Variants in SAMD4A observed in about 807,000 individuals in gnomAD.
SAMD4A encodes sterile alpha motif domain containing 4A, also known as protein Smaug homolog 1.
Under a neutral mutation model 81.3 loss-of-function variants are expected in SAMD4A, and 33 were observed. That is an observed-to-expected ratio of 0.41 (90% CI 0.31 to 0.54). The LOEUF (loss-of-function observed/expected upper bound fraction) is 0.54, where lower values mean the gene tolerates loss of function less well. SAMD4A is among the 20% of genes least tolerant of loss of function. SAMD4A has a pLI of 0.37. For synonymous variants in SAMD4A, 389 were observed against 382.1 expected (o/e 1.02, Z -0.21); for missense variants, 854 against 951.1 (o/e 0.90, Z 1.34).
In SAMD4A at chr14:54,624,315, T is replaced by C. The variant is rs142621769; in HGVS notation, c.196+56203T>C. Among the ~76,000 whole-genome samples the C allele has an allele frequency of 4.5e-3, 690 of 152,332 alleles. 9 individuals carry two copies. Among genetic ancestry groups the C allele is most frequent in the African/African-American group, 0.016 (656 of 41,574 alleles). On this transcript the variant is annotated intron_variant, in intron 2 of 12. Coordinates refer to ENST00000554335, the MANE Select transcript of SAMD4A (RefSeq NM_015589.6). ...TATTATGCCCTCTCCGGTCACGTGA[T>C]AACTTACATGCCAGTGTGCGATGTG... is the stretch of plus-strand genomic sequence containing the variant.
Position 54,658,266 on chromosome 14 carries a change from G to A in SAMD4A, c.197-43796G>A, listed in dbSNP as rs144002373. On this transcript the variant is annotated intron_variant, in intron 2 of 12. Coordinates refer to ENST00000554335, the MANE Select transcript of SAMD4A (RefSeq NM_015589.6). ...GTGGAGGTTGCATTGAGCCAAGATC[G>A]TGCCAGCACACTCCAGCCTGGGTGA... 5.8e-4 allele frequency among the ~76,000 whole-genome samples: 88 copies of A among 152,276 alleles called. 1 individual carries two copies. The East Asian group carries it at 0.015, about 26-fold the overall frequency.
At chr14:54,765,167 T>C (rs1290118987) in intron 8 of SAMD4A, among the ~76,000 whole-genome samples, 4 of 152,070 alleles carry the variant, frequency 2.6e-5, no homozygotes, top group African/African-American at 9.7e-5. Context: ...AAGGGACATG[T>C]AGGGAGAGGG....
intron 4 of SAMD4A, among the ~76,000 whole-genome samples, chr14:54,737,678 T>G (rs1332444308): frequency 6.6e-6 from 1 of 151,502 alleles, no homozygotes; most frequent in Non-Finnish European, 1.5e-5. Flanking sequence ...GCCAGGGACC[T>G]GTCAGTAATT....
intron 9 of SAMD4A, among the ~76,000 whole-genome samples, chr14:54,770,703 A>T (rs556261122): frequency 1.5e-4 from 23 of 152,214 alleles, no homozygotes; most frequent in Non-Finnish European, 3.1e-4. Flanking sequence ...GCAGTCTCAT[A>T]GTGGAGCAGT....
intron 6 of SAMD4A, among the ~76,000 whole-genome samples, chr14:54,759,560 C>A (rs768654697): frequency 7.2e-5 from 11 of 152,206 alleles, no homozygotes; most frequent in Non-Finnish European, 1.3e-4. Context: ...CCTTGGGGAA[C>A]CCTAAAGGCA....
intron 7 of SAMD4A, among the ~76,000 whole-genome samples, chr14:54,763,729 T>C (rs7151388): frequency 0.42 from 63,975 of 151,960 alleles, 15,542 homozygotes; most frequent in African/African-American, 0.68. Context: ...CCTGTACACA[T>C]GACTAAGAAA....
intron 8 of SAMD4A, among the ~76,000 whole-genome samples, chr14:54,766,137 C>T (rs567637815): frequency 2.8e-4 from 42 of 152,250 alleles, no homozygotes; most frequent in South Asian, 4.2e-4. Flanking sequence ...GTCAAAAGCC[C>T]GTACTGAAGG....
intron 2 of SAMD4A, among the ~76,000 whole-genome samples, chr14:54,653,328 TTATTATTA>T (rs1479895763): frequency 6.8e-6 from 1 of 146,014 alleles, no homozygotes; most frequent in Non-Finnish European, 1.5e-5. Context: ...ATTATTATTA[TTATTATTA>T]TTATTATTAT....
At chr14:54,656,292 G>C (rs2035519817) in intron 2 of SAMD4A, among the ~76,000 whole-genome samples, 1 of 152,108 alleles carries the variant, frequency 6.6e-6, no homozygotes, top group African/African-American at 2.4e-5. Context: ...ATTTAGAGTT[G>C]ACTATTCCTT....
rs1410061797 is a variant in SAMD4A at position 54,593,564 on chromosome 14, G to A, written c.196+25452G>A. 2.0e-5 allele frequency among the ~76,000 whole-genome samples: 3 copies of A among 152,240 alleles called. No individual in the cohort carries two copies. In the East Asian group the frequency reaches 5.8e-4, roughly 29 times the overall value. On this transcript the variant is annotated intron_variant, in intron 2 of 12. Transcript: ENST00000554335. ...AGAAGGAAAGAGGAGATGATTTCAG[G>A]AGAAATGAAATCCTGTAAATTATCA...
intron 12 of SAMD4A, 132 bp downstream of exon 12, chr14:54,784,752 A>G: frequency 1.2e-6 from 1 of 808,714 alleles, no homozygotes; most frequent in Admixed American, 1.9e-5. Context: ...GGCAGGGGAC[A>G]GGGAGAAAGA....
intron 10 of SAMD4A, 110 bp downstream of exon 10, chr14:54,775,245 T>C: frequency 2.6e-6 from 3 of 1,169,712 alleles, no homozygotes; most frequent in Non-Finnish European, 3.8e-6. Context: ...GGGACTATGC[T>C]GGGGGCAGTT....
intron 3 of SAMD4A, among the ~76,000 whole-genome samples, chr14:54,727,967 G>C (rs1325110714): frequency 6.6e-6 from 1 of 152,162 alleles, no homozygotes; most frequent in South Asian, 2.1e-4. Context: ...CTCACAGCCT[G>C]TTCTTTTTGC....
chr14:54,760,773 T>C (rs963141057), intron 7 of SAMD4A, among the ~76,000 whole-genome samples: 1 of 152,206 alleles, frequency 6.6e-6, no homozygotes, highest in South Asian at 2.1e-4. Flanking sequence ...ACAGTGCTCA[T>C]TGGGCCAGTG....
At chr14:54,596,363 T>G (rs1035807299) in intron 2 of SAMD4A, among the ~76,000 whole-genome samples, 10 of 152,186 alleles carry the variant, frequency 6.6e-5, no homozygotes, top group Admixed American at 6.5e-4. Flanking sequence ...GGCAGGTGGA[T>G]CACCTGAGGT....
chr14:54,609,336 G>A (rs544652309), intron 2 of SAMD4A, among the ~76,000 whole-genome samples: 2 of 152,320 alleles, frequency 1.3e-5, no homozygotes, highest in African/African-American at 4.8e-5. Flanking sequence ...GTTGGAAGAG[G>A]CAAGGAAAGA....
intron 2 of SAMD4A, among the ~76,000 whole-genome samples, chr14:54,624,551 G>T (rs916079323): frequency 1.3e-5 from 2 of 152,246 alleles, no homozygotes; most frequent in African/African-American, 4.8e-5. Flanking sequence ...GAGCACAAAT[G>T]ATGTGCTGAC....
chr14:54,708,472 G>T (rs555796276), intron 3 of SAMD4A, among the ~76,000 whole-genome samples: 1 of 152,330 alleles, frequency 6.6e-6, no homozygotes, highest in Admixed American at 6.5e-5. Flanking sequence ...ACATTTGGGA[G>T]TTAGCAGCAC....
chr14:54,698,288 T>A (rs1466574113), intron 2 of SAMD4A, among the ~76,000 whole-genome samples: 1 of 152,256 alleles, frequency 6.6e-6, no homozygotes, highest in Non-Finnish European at 1.5e-5. Flanking sequence ...CATATTTGTA[T>A]GCATTTATAT....
Sources: gnomAD v4.1 joint callset for allele counts (sites outside exome capture counted in the v4.1 genomes callset) on GRCh38, gnomAD v4.1.1 for gene constraint, MANE v1.5 for transcripts, NCBI Gene and HGNC (gene_info 2026-07-23, HGNC 2026-07-21) for gene names.